Variants in DCTN4 observed in about 807,000 individuals in gnomAD.
DCTN4 encodes dynactin subunit 4.
In DCTN4, 23 loss-of-function variants were observed where a neutral mutation model predicts 62.7. That is an observed-to-expected ratio of 0.37 (90% confidence interval 0.26 to 0.52). DCTN4 has a LOEUF of 0.52. Ranked by LOEUF, DCTN4 falls within the 20% of genes least tolerant of loss-of-function variation. DCTN4 has a pLI of 0.92. For missense variants in DCTN4, 514 were observed against 580.4 expected (o/e 0.89, Z 1.18); for synonymous variants, 199 against 202.1 (o/e 0.98, Z 0.13).
rs547940147 is a variant in DCTN4 at position 150,732,589 on chromosome 5, C to T, written c.537+779G>A. ...CGTAAAATGGGGATATGATACTCCA[C>T]AGGATTTTTGTGAGGATTAAGTAAA... is the stretch of plus-strand genomic sequence containing the variant. On this transcript the variant is annotated intron_variant, in intron 5 of 12. Coordinates refer to ENST00000447998, the MANE Select transcript of DCTN4 (RefSeq NM_016221.4). Among the ~76,000 whole-genome samples, 3 of 152,280 alleles carry T rather than the reference C, an allele frequency of 2.0e-5. No individual in the cohort carries two copies. In the East Asian group the frequency reaches 5.8e-4, roughly 29 times the overall value.
intron 8 of DCTN4, among the ~76,000 whole-genome samples, chr5:150,729,043 T>C (rs13355389): frequency 0.049 from 3,763 of 77,426 alleles, 285 homozygotes; most frequent in African/African-American, 0.23. Flanking sequence ...CCACACTGGC[T>C]TTTTTTTTTT....
At chr5:150,756,906 T>A (rs963999260) in intron 1 of DCTN4, among the ~76,000 whole-genome samples, 9 of 152,220 alleles carry the variant, frequency 5.9e-5, no homozygotes, top group African/African-American at 2.2e-4. Context: ...GACATTTTTT[T>A]AAAGATTTCT....
intron 3 of DCTN4, among the ~76,000 whole-genome samples, chr5:150,752,326 C>T (rs1325378710): frequency 2.0e-5 from 3 of 152,098 alleles, no homozygotes; most frequent in African/African-American, 7.2e-5. Flanking sequence ...TTCTAAAACA[C>T]TCAAACACTC....
intron 3 of DCTN4, 133 bp from the exon 4 acceptor site, chr5:150,742,290 T>C (rs1760797570): frequency 3.5e-6 from 3 of 850,502 alleles, no homozygotes; most frequent in Non-Finnish European, 5.7e-6. Flanking sequence ...TATATAACTA[T>C]AGACTATAAT....
intron 9 of DCTN4, among the ~76,000 whole-genome samples, chr5:150,721,411 C>T (rs1431894129): frequency 6.6e-6 from 1 of 152,084 alleles, no homozygotes. Context: ...CAGAATATAT[C>T]CCTGAAACAG....
chr5:150,708,496 A>AT lies in DCTN4; in HGVS notation c.*2652dup, dbSNP rs2151461034. ...ATATCTTTAGAAGCAATGACCCAGG[A>AT]TAAAAACTGGTAGAGGTCTAACAAC... On this transcript the variant is annotated 3_prime_UTR_variant, in exon 13 of 13. Transcript: ENST00000447998. 6.6e-6 allele frequency: 1 copy of AT among 152,426 alleles called. No homozygotes were observed. Among genetic ancestry groups the AT allele is most frequent in the African/African-American group, 2.4e-5 (1 of 41,592 alleles). The allele number at this position is 152,426 out of a possible 1,614,324, so 9.4% of individuals were successfully genotyped here.
At chr5:150,741,785 T>G (rs1046631335) in intron 4 of DCTN4, among the ~76,000 whole-genome samples, 1 of 152,224 alleles carries the variant, frequency 6.6e-6, no homozygotes, top group Non-Finnish European at 1.5e-5. Flanking sequence ...CCTGGCTGTT[T>G]ATGATATTTC....
chr5:150,727,775 C>CAA (rs11292193), intron 8 of DCTN4, among the ~76,000 whole-genome samples: 37 of 82,316 alleles, frequency 4.5e-4, no homozygotes, highest in Admixed American at 1.1e-3. Context: ...GACTCCGTCT[C>CAA]AAAAAAAAAA....
rs765314740 is a variant in DCTN4 at position 150,708,959 on chromosome 5, A to T, written c.*2190T>A. On this transcript the variant is annotated 3_prime_UTR_variant, in exon 13 of 13. Transcript: ENST00000447998. ...TAGGTGAATCAAGTAACAAATCCAA[A>T]TTAACTTAGCCTAAGTTTCCAAAGC... 1 of 152,838 alleles carries T rather than the reference A, an allele frequency of 6.5e-6. No homozygotes were observed. The highest frequency in any genetic ancestry group is 1.5e-5 in the Non-Finnish European group (1 of 68,054). 9.5% of individuals were successfully genotyped at this position (152,838 alleles called of 1,614,324 possible).
At chr5:150,741,052 T>C (rs1760749827) in intron 4 of DCTN4, among the ~76,000 whole-genome samples, 1 of 151,600 alleles carries the variant, frequency 6.6e-6, no homozygotes, top group Non-Finnish European at 1.5e-5. Context: ...TATTTTTTTT[T>C]CTTTTAAATG....
At chr5:150,745,691 G>A (rs1018794326) in intron 3 of DCTN4, among the ~76,000 whole-genome samples, 3 of 152,126 alleles carry the variant, frequency 2.0e-5, no homozygotes, top group Non-Finnish European at 2.9e-5. Context: ...CTGAATGACT[G>A]CTGGGTATAT....
At position 150,711,160 on chromosome 5, in the gene DCTN4, G is replaced by C. The variant is rs573201219; in HGVS notation, c.1372C>G (p.Leu458Val). 5.0e-5 allele frequency: 80 copies of C among 1,612,258 alleles called. 1 individual carries two copies. In the South Asian group the frequency reaches 8.5e-4, roughly 17 times the overall value. Reference sequence around the variant, plus strand: ...TCCAGTGGAACCTTTTAAGGAAGAAGTGGGCCCAAGCTAAGTTCCACATGC... The same window carrying C: ...TCCAGTGGAACCTTTTAAGGAAGAACTGGGCCCAAGCTAAGTTCCACATGC... ...TQHVELSLGPLLP is the reference protein window; with the variant it reads ...TQHVELSLGPVLP The change falls in exon 13 of 13, where the codon CTT becomes GTT. Residue 458 changes from leucine to valine, a missense_variant. By Grantham distance (32) the Leu-to-Val change is conservative. Transcript: ENST00000447998.
At chr5:150,751,084 A>ATT (rs1752655405) in intron 3 of DCTN4, among the ~76,000 whole-genome samples, 2 of 152,162 alleles carry the variant, frequency 1.3e-5, no homozygotes, top group Non-Finnish European at 2.9e-5. Context: ...AAACGTCTGA[A>ATT]TATTTTATCT....
intron 3 of DCTN4, among the ~76,000 whole-genome samples, chr5:150,751,533 G>A (rs1752675786): frequency 1.3e-5 from 2 of 151,998 alleles, no homozygotes. Context: ...AGTTCACTGA[G>A]GCCTACATTA....
chr5:150,758,778 T>G (rs1191332008), intron 1 of DCTN4, 81 bp downstream of exon 1: 3 of 1,562,422 alleles, frequency 1.9e-6, no homozygotes, highest in African/African-American at 1.4e-5. Flanking sequence ...GGAAAATAGC[T>G]CCAGCCTTCC....
At chr5:150,720,111 G>C (rs2151473952) in intron 9 of DCTN4, among the ~76,000 whole-genome samples, 2 of 152,220 alleles carry the variant, frequency 1.3e-5, no homozygotes, top group South Asian at 4.1e-4. Context: ...GAAAATAATG[G>C]TATCTTTCAC....
At chr5:150,721,890 T>C (rs927500737) in intron 9 of DCTN4, among the ~76,000 whole-genome samples, 2 of 152,164 alleles carry the variant, frequency 1.3e-5, no homozygotes, top group Non-Finnish European at 2.9e-5. Context: ...TGTGGGACAA[T>C]CATAGCTTAC....
intron 8 of DCTN4, among the ~76,000 whole-genome samples, chr5:150,729,924 C>T (rs1259926570): frequency 3.3e-5 from 5 of 151,866 alleles, no homozygotes; most frequent in South Asian, 2.1e-4. Flanking sequence ...TGTTTGAATC[C>T]GAATCTACGT....
intron 3 of DCTN4, among the ~76,000 whole-genome samples, chr5:150,746,359 A>G (rs550042537): frequency 1.3e-5 from 2 of 152,352 alleles, no homozygotes; most frequent in East Asian, 3.9e-4. Flanking sequence ...TACCAGACGT[A>G]CAAGGAGGAA....
Sources: allele counts gnomAD v4.1 joint callset (sites outside exome capture counted in the v4.1 genomes callset), GRCh38; gene constraint gnomAD v4.1.1; transcripts MANE v1.5; gene names NCBI Gene and HGNC (gene_info 2026-07-23, HGNC 2026-07-21).